Variants in TEK observed in about 807,000 individuals in gnomAD.
TEK encodes the protein TEK receptor tyrosine kinase.
TEK carries 43 observed loss-of-function variants against 131.8 expected under a neutral mutation model. That is an observed-to-expected ratio of 0.33 (90% CI 0.26 to 0.42). The LOEUF is 0.42. Among genes scored for constraint, TEK ranks in the 10% least tolerant of loss-of-function variants. TEK has a pLI of 1.00. For synonymous variants in TEK, 580 were observed against 491.6 expected, an observed-to-expected ratio of 1.18 and a Z score of -2.38; for missense variants, 1,162 against 1,384.4, an observed-to-expected ratio of 0.84 and a Z score of 2.55.
chr9:27,137,255 A>C (rs12554485), intron 1 of TEK, among the ~76,000 whole-genome samples: 78,872 of 152,038 alleles, frequency 0.52, 21,463 homozygotes, highest in African/African-American at 0.57. Context: ...GGATATTTTC[A>C]TATGTACCCT....
chr9:27,148,565 C>T (rs556370440), intron 1 of TEK, among the ~76,000 whole-genome samples: 74 of 152,320 alleles, frequency 4.9e-4, no homozygotes, highest in Admixed American at 1.7e-3. Context: ...AGTGGGAGAG[C>T]CCAGTGGGCA....
At chr9:27,169,754 A>G in intron 4 of TEK, 125 bp downstream of exon 4, 2 of 1,327,656 alleles carry the variant, frequency 1.5e-6, no homozygotes, top group Non-Finnish European at 2.1e-6. Flanking sequence ...TGGAGGTTGT[A>G]TTAGTCTGTT....
At chr9:27,180,121 A>T (rs1198098429) in intron 6 of TEK, 119 bp from the exon 7 acceptor site, 47 of 1,436,238 alleles carry the variant, frequency 3.3e-5, no homozygotes, top group Non-Finnish European at 4.2e-5. Context: ...ATTACCCCCT[A>T]CCTTACACAA....
chr9:27,153,871 T>C (rs1023762925), intron 1 of TEK, among the ~76,000 whole-genome samples: 4 of 152,338 alleles, frequency 2.6e-5, no homozygotes, highest in Admixed American at 2.0e-4. Context: ...ACCACAGTTG[T>C]ACTCGTTGTC....
rs185460827 is a variant in TEK, at chr9:27,227,949, T to G, written c.3201-257T>G. ...AATGCTGCTCTAGACACATACCCAG[T>G]TCTTTCTAGATGATTGCAATAGCTG... On this transcript the variant is annotated intron_variant, in intron 21 of 22. Transcript: ENST00000380036. Among the ~76,000 whole-genome samples the G allele has an allele frequency of 3.0e-4, 45 of 152,260 alleles. 1 individual carries two copies. Among genetic ancestry groups the G allele is most frequent in the Non-Finnish European group, 1.5e-5 (1 of 68,024 alleles).
At chr9:27,227,746 G>C (rs1319097893) in intron 21 of TEK, among the ~76,000 whole-genome samples, 2 of 152,060 alleles carry the variant, frequency 1.3e-5, no homozygotes, top group Non-Finnish European at 2.9e-5. Flanking sequence ...ATGATTTTTG[G>C]GTGGCATGAA....
chr9:27,123,510 A>G (rs572246316), intron 1 of TEK, among the ~76,000 whole-genome samples: 1 of 152,254 alleles, frequency 6.6e-6, no homozygotes, highest in Non-Finnish European at 1.5e-5. Flanking sequence ...GGCCACGCAC[A>G]GTTACCTGGA....
intron 6 of TEK, among the ~76,000 whole-genome samples, chr9:27,178,761 G>C (rs1824259725): frequency 6.6e-6 from 1 of 152,176 alleles, no homozygotes; most frequent in Admixed American, 6.5e-5. Context: ...GGCAGGTTTA[G>C]TGAGCTCCAA....
intron 12 of TEK, among the ~76,000 whole-genome samples, 168 bp from the exon 13 acceptor site, chr9:27,202,652 C>G (rs1056958922): frequency 1.3e-5 from 2 of 152,204 alleles, no homozygotes; most frequent in African/African-American, 4.8e-5. Context: ...CTGTGCCACT[C>G]TTTCAAGTCT....
At chr9:27,194,737 C>G (rs560381946) in intron 11 of TEK, among the ~76,000 whole-genome samples, 12 of 152,260 alleles carry the variant, frequency 7.9e-5, no homozygotes, top group Admixed American at 6.5e-4. Context: ...CAAAGTAGTT[C>G]TCAGGGGTAG....
At chr9:27,184,201 A>G (rs1206694077) in intron 8 of TEK, among the ~76,000 whole-genome samples, 2 of 152,142 alleles carry the variant, frequency 1.3e-5, no homozygotes, top group South Asian at 2.1e-4. Flanking sequence ...CTTTGCCTTC[A>G]TTGCTGATGC....
chr9:27,211,213 G>GTA (rs1392061521), intron 16 of TEK, among the ~76,000 whole-genome samples: 1 of 148,338 alleles, frequency 6.7e-6, no homozygotes, highest in African/African-American at 2.5e-5. Context: ...GAATATATGT[G>GTA]TATATATATG....
chr9:27,127,276 T>C (rs1822022151), intron 1 of TEK, among the ~76,000 whole-genome samples: 1 of 152,220 alleles, frequency 6.6e-6, no homozygotes, highest in Admixed American at 6.5e-5. Context: ...GTTTCCAGCT[T>C]CATCCATGTC....
intron 9 of TEK, among the ~76,000 whole-genome samples, chr9:27,190,299 G>A (rs1204748025): frequency 6.6e-6 from 1 of 152,128 alleles, no homozygotes; most frequent in Non-Finnish European, 1.5e-5. Context: ...TCCATTGAAG[G>A]GTCTTGAGCA....
chr9:27,110,857 A>T (rs1821314947), intron 1 of TEK, among the ~76,000 whole-genome samples: 1 of 152,270 alleles, frequency 6.6e-6, no homozygotes, highest in South Asian at 2.1e-4. Flanking sequence ...GAAATTGTTT[A>T]AATAATGTTG....
chr9:27,142,488 G>A (rs1213805775), intron 1 of TEK, among the ~76,000 whole-genome samples: 4 of 152,240 alleles, frequency 2.6e-5, no homozygotes, highest in Admixed American at 6.5e-5. Flanking sequence ...GGGGACTTCC[G>A]TAGCACTGGT....
chr9:27,228,531 A>G (rs539964893), intron 22 of TEK, among the ~76,000 whole-genome samples: 15 of 152,274 alleles, frequency 9.9e-5, no homozygotes, highest in African/African-American at 3.4e-4. Context: ...AGAATAACAT[A>G]CAGAATTAGC....
chr9:27,229,131 GTC>G, intron 22 of TEK, 25 bp from the exon 23 acceptor site: 1 of 1,610,716 alleles, frequency 6.2e-7, no homozygotes. Flanking sequence ...AGCAGCCTAT[GTC>G]TCTGAACCAT....
intron 6 of TEK, among the ~76,000 whole-genome samples, chr9:27,177,775 A>T (rs574748261): frequency 1.3e-5 from 2 of 151,914 alleles, no homozygotes; most frequent in East Asian, 3.9e-4. Context: ...AAAAAAAAAG[A>T]TGTCTATTCA....
Sources: gnomAD v4.1 joint callset for allele counts (sites outside exome capture counted in the v4.1 genomes callset) on GRCh38, gnomAD v4.1.1 for gene constraint, MANE v1.5 for transcripts, NCBI Gene and HGNC (gene_info 2026-07-23, HGNC 2026-07-21) for gene names.